Variants in CCDC6 observed in about 807,000 individuals in gnomAD.
CCDC6 encodes coiled-coil domain containing 6.
A neutral mutation model predicts 56.6 loss-of-function variants in CCDC6; 20 were observed. That is an observed-to-expected ratio of 0.35 (90% CI 0.25 to 0.51). The LOEUF (loss-of-function observed/expected upper bound fraction) is 0.51, where lower values mean the gene tolerates loss of function less well. Ranked by LOEUF, CCDC6 falls within the 20% of genes least tolerant of loss-of-function variation. The probability of loss-of-function intolerance (pLI) is 0.95; values close to 1 mark genes in which losing one functional copy is unlikely to be tolerated. For synonymous variants in CCDC6, 241 were observed against 234.4 expected, an observed-to-expected ratio of 1.03 and a Z score of -0.26; for missense variants, 367 against 601.1, an observed-to-expected ratio of 0.61 and a Z score of 4.07.
At chr10:59,860,050 CCAGTCTAGG>C (rs780591186) in intron 1 of CCDC6, among the ~76,000 whole-genome samples, 83 of 152,142 alleles carry the variant, frequency 5.5e-4, no homozygotes, top group Non-Finnish European at 9.6e-4. Flanking sequence ...CCACTGTACT[CCAGTCTAGG>C]CAACAGAGCG....
At chr10:59,870,988 T>C (rs756405526) in intron 1 of CCDC6, among the ~76,000 whole-genome samples, 6 of 152,102 alleles carry the variant, frequency 3.9e-5, no homozygotes, top group Non-Finnish European at 8.8e-5. Flanking sequence ...AACTCATCAG[T>C]ATGAGAGGAG....
chr10:59,822,097 G>C (rs1262584696), intron 3 of CCDC6, among the ~76,000 whole-genome samples: 1 of 152,204 alleles, frequency 6.6e-6, no homozygotes, highest in Non-Finnish European at 1.5e-5. Context: ...CAGTTATTTG[G>C]AAGATAGAAT....
chr10:59,822,248 T>C (rs191973628), intron 3 of CCDC6, among the ~76,000 whole-genome samples: 107 of 152,352 alleles, frequency 7.0e-4, no homozygotes, highest in African/African-American at 2.5e-3. Context: ...ATTATTAACA[T>C]GAAAATGACA....
At chr10:59,854,696 C>G (rs374294029) in intron 1 of CCDC6, among the ~76,000 whole-genome samples, 70 of 152,296 alleles carry the variant, frequency 4.6e-4, no homozygotes, top group African/African-American at 1.6e-3. Context: ...TCCCCACTTG[C>G]CTTCCGAACT....
At chr10:59,870,032 C>T (rs558606980) in intron 1 of CCDC6, among the ~76,000 whole-genome samples, 1 of 152,300 alleles carries the variant, frequency 6.6e-6, no homozygotes, top group Admixed American at 6.5e-5. Context: ...CACCATTCAC[C>T]ACCCCATTAC....
At chr10:59,863,294 G>A (rs765728144) in intron 1 of CCDC6, among the ~76,000 whole-genome samples, 1 of 152,106 alleles carries the variant, frequency 6.6e-6, no homozygotes, top group Non-Finnish European at 1.5e-5. Context: ...TAACTTACAC[G>A]TGTTATATGG....
chr10:59,881,403 A>G (rs1345773961), intron 1 of CCDC6, among the ~76,000 whole-genome samples: 1 of 152,164 alleles, frequency 6.6e-6, no homozygotes, highest in African/African-American at 2.4e-5. Flanking sequence ...CATGGGGGAA[A>G]TTCCACCTTC....
At chr10:59,896,853 A>C (rs539019233) in intron 1 of CCDC6, among the ~76,000 whole-genome samples, 1 of 151,984 alleles carries the variant, frequency 6.6e-6, no homozygotes, top group African/African-American at 2.4e-5. Flanking sequence ...TTTTATCACA[A>C]AAAAAAATGC....
At chr10:59,816,538 A>G (rs562116520) in intron 3 of CCDC6, among the ~76,000 whole-genome samples, 1 of 152,338 alleles carries the variant, frequency 6.6e-6, no homozygotes, top group Admixed American at 6.5e-5. Flanking sequence ...ACTAGTTAGA[A>G]AATGTTGAGA....
intron 1 of CCDC6, among the ~76,000 whole-genome samples, chr10:59,892,145 G>A (rs1354473235): frequency 6.6e-6 from 1 of 152,184 alleles, no homozygotes; most frequent in Non-Finnish European, 1.5e-5. Context: ...GCCCATCAAA[G>A]TCCACCTTCT....
At chr10:59,821,118 G>GA (rs1047105730) in intron 3 of CCDC6, among the ~76,000 whole-genome samples, 1 of 152,072 alleles carries the variant, frequency 6.6e-6, no homozygotes, top group Non-Finnish European at 1.5e-5. Context: ...AAATCAGTCA[G>GA]AAAAATGGTC....
At position 59,822,276 on chromosome 10, in the gene CCDC6, A is replaced by C. The variant is rs147987325; in HGVS notation, c.583-7521T>G. On this transcript the variant is annotated intron_variant, in intron 3 of 8. Transcript: ENST00000263102. ...AAATGACACTATTTCATAACTTATC[A>C]GTTCAATAAATTTTGCTTTCAATGA... Among the ~76,000 whole-genome samples the C allele has an allele frequency of 1.4e-4, 21 of 152,354 alleles. No individual in the cohort carries two copies. The East Asian group carries it at 4.1e-3, about 29-fold the overall frequency.
chr10:59,901,057 AC>A (rs528004110), intron 1 of CCDC6, among the ~76,000 whole-genome samples: 55 of 151,754 alleles, frequency 3.6e-4, no homozygotes, highest in Non-Finnish European at 7.4e-4. Flanking sequence ...TCACACACAC[AC>A]AAAAAAAACA....
Position 59,792,989 on chromosome 10 carries a change from G to C in CCDC6, c.1353C>G (p.Pro451=). ...PPPPPPPPMQ[P]TVPSAATSQP... Reference sequence around the variant, plus strand: ...GCGAGGTGGCTGCTGAGGGGACCGTGGGCTGCATGGGTGGCGGAGGTGGAG... The same window carrying C: ...GCGAGGTGGCTGCTGAGGGGACCGTCGGCTGCATGGGTGGCGGAGGTGGAG... The change falls in exon 9 of 9, where the codon CCC becomes CCG. Residue 451 remains proline, a synonymous_variant. Coordinates refer to ENST00000263102, the MANE Select transcript of CCDC6 (RefSeq NM_005436.5). 6.2e-7 allele frequency: 1 copy of C among 1,613,308 alleles called. No homozygotes were observed. The highest frequency in any genetic ancestry group is 8.5e-7 in the Non-Finnish European group (1 of 1,179,380).
chr10:59,880,204 T>G (rs1280446110), intron 1 of CCDC6, among the ~76,000 whole-genome samples: 1 of 152,148 alleles, frequency 6.6e-6, no homozygotes, highest in Non-Finnish European at 1.5e-5. Context: ...GCTCAAAGCA[T>G]GGCAGACCAC....
At chr10:59,797,299 C>A (rs1485178319) in intron 7 of CCDC6, among the ~76,000 whole-genome samples, 3 of 151,746 alleles carry the variant, frequency 2.0e-5, no homozygotes, top group African/African-American at 7.3e-5. Context: ...AGTTGCTGCA[C>A]AACATTATAC....
chr10:59,812,604 C>CATGAAACT, intron 5 of CCDC6, 31 bp downstream of exon 5: 1 of 1,530,914 alleles, frequency 6.5e-7, no homozygotes, highest in Non-Finnish European at 8.9e-7. Context: ...ATTCTACAGG[C>CATGAAACT]ATGAAACTAG....
chr10:59,859,521 T>G (rs1354117231), intron 1 of CCDC6, among the ~76,000 whole-genome samples: 1 of 152,174 alleles, frequency 6.6e-6, no homozygotes, highest in African/African-American at 2.4e-5. Flanking sequence ...TTAAAATAAA[T>G]GTTTAGATTC....
intron 1 of CCDC6, among the ~76,000 whole-genome samples, chr10:59,896,444 A>G (rs1195877482): frequency 6.6e-6 from 1 of 152,212 alleles, no homozygotes; most frequent in Non-Finnish European, 1.5e-5. Context: ...GAGTGACAGA[A>G]AAGAACCATA....
Sources: gnomAD v4.1 joint callset for allele counts (sites outside exome capture counted in the v4.1 genomes callset) on GRCh38, gnomAD v4.1.1 for gene constraint, MANE v1.5 for transcripts, NCBI Gene and HGNC (gene_info 2026-07-23, HGNC 2026-07-21) for gene names.